The following C12orf54 variants were observed in gnomAD, a reference collection of about 807,000 sequenced individuals.
C12orf54 encodes uncharacterized protein C12orf54.
A neutral mutation model predicts 26.4 loss-of-function variants in C12orf54; 24 were observed. The ratio of observed to expected loss-of-function variants is 0.91; its 90% CI spans 0.66 to 1.28. C12orf54 has a LOEUF of 1.28. C12orf54 is among the 50% of genes most tolerant of loss of function. The probability of loss-of-function intolerance (pLI) is 0.00; values close to 1 mark genes in which losing one functional copy is unlikely to be tolerated. For missense variants in C12orf54, 154 were observed against 150.9 expected (o/e 1.02, Z -0.11); for synonymous variants, 54 against 47.0 (o/e 1.15, Z -0.61).
At chr12:48,462,713 A>G in the C12orf54 span, among the ~76,000 whole-genome samples, 1 of 151,784 alleles carries the variant, frequency 6.6e-6, no homozygotes, top group African/African-American at 2.4e-5. Context: ...CAAAGTGGGA[A>G]TATAGGGAAA....
Position 48,492,993 on chromosome 12 carries a change from T to G in C12orf54, c.240T>G (p.Thr80=). 6.2e-7 allele frequency: 1 copy of G among 1,613,788 alleles called. No homozygotes were observed. Among genetic ancestry groups the G allele is most frequent in the East Asian group, 2.2e-5 (1 of 44,872 alleles). Residue 80 remains threonine, a splice_region_variant and synonymous_variant, in exon 7 of 9, where the codon ACT becomes ACG. Coordinates refer to ENST00000548364, the MANE Select transcript of C12orf54 (RefSeq NM_152319.4). ...CACCCATGACATCAGCACCCAGGAC[T>G]GGGTAAGTGTCCCTATTCTGACAAT... ...SMTPMTSAPR[T]GSIRPPDSLM... is the part of the protein sequence containing the mutation.
chr12:48,435,114 G>A, the C12orf54 span, among the ~76,000 whole-genome samples: 2,646 of 152,230 alleles, frequency 0.017, 83 homozygotes, highest in African/African-American at 0.06. Context: ...CCTGACAAAT[G>A]CACAAGCCTC....
At chr12:48,495,332 A>G (rs1030505037) in intron 8 of C12orf54, among the ~76,000 whole-genome samples, 9 of 152,218 alleles carry the variant, frequency 5.9e-5, no homozygotes, top group Admixed American at 1.3e-4. Context: ...GTTTTAAAAT[A>G]CATTAATAAA....
At chr12:48,478,765 A>G (rs112322509), upstream of C12orf54, among the ~76,000 whole-genome samples, 9,764 of 152,284 alleles carry the variant, frequency 0.064, 1,051 homozygotes, top group African/African-American at 0.22. Flanking sequence ...ACATGAAAAA[A>G]TGCTCACCAT....
chr12:48,430,968 T>C, the C12orf54 span, among the ~76,000 whole-genome samples: 2,647 of 152,290 alleles, frequency 0.017, 82 homozygotes, highest in African/African-American at 0.06. Context: ...TACTCAGCCA[T>C]AAAAATGAAT....
At chr12:48,415,024 C>G in the C12orf54 span, among the ~76,000 whole-genome samples, 1 of 152,292 alleles carries the variant, frequency 6.6e-6, no homozygotes, top group South Asian at 2.1e-4. Context: ...ATACATGAGC[C>G]CCATTCAGCA....
chr12:48,420,211 G>A, the C12orf54 span, among the ~76,000 whole-genome samples: 1 of 152,166 alleles, frequency 6.6e-6, no homozygotes, highest in Non-Finnish European at 1.5e-5. Flanking sequence ...GGGCAGCTGA[G>A]CCTGCAAGCC....
the C12orf54 span, among the ~76,000 whole-genome samples, chr12:48,422,190 G>T: frequency 6.6e-6 from 1 of 152,022 alleles, no homozygotes; most frequent in African/African-American, 2.4e-5. Flanking sequence ...GAATAGCTTT[G>T]CTTCTGTTGA....
chr12:48,459,294 C>T, the C12orf54 span, among the ~76,000 whole-genome samples: 57 of 152,242 alleles, frequency 3.7e-4, no homozygotes, highest in Non-Finnish European at 7.4e-4. Context: ...TCTGAGCACA[C>T]GGTGAGACGG....
chr12:48,437,178 A>C, the C12orf54 span, among the ~76,000 whole-genome samples: 1 of 152,248 alleles, frequency 6.6e-6, no homozygotes, highest in African/African-American at 2.4e-5. Context: ...CTGGACACAT[A>C]CATCCTCCCA....
At chr12:48,483,407 C>A in intron 2 of C12orf54, 46 bp downstream of exon 2, 1 of 1,573,356 alleles carries the variant, frequency 6.4e-7, no homozygotes, top group Non-Finnish European at 8.7e-7. Context: ...GATTGCTATA[C>A]TCTATGGGAG....
rs1954223513 is a variant in C12orf54, at chr12:48,483,573, C to T, written c.65+212C>T. ...TTGTCATTTTAATTTAGAAATCAGGCATCAATTGCAATTCCTCTAGGGGTT... is the reference window on the plus strand; with the variant it reads ...TTGTCATTTTAATTTAGAAATCAGGTATCAATTGCAATTCCTCTAGGGGTT... On this transcript the variant is annotated intron_variant, in intron 2 of 8. Transcript: ENST00000548364. 19 of 515,146 alleles carry T rather than the reference C, an allele frequency of 3.7e-5. No homozygotes were observed. The South Asian group carries it at 4.7e-4, about 13-fold the overall frequency. 31.9% of individuals were successfully genotyped at this position (515,146 alleles called of 1,614,324 possible). A position where few individuals can be genotyped will look rare whatever the true frequency, so the allele number is the denominator to read the frequency against.
the C12orf54 span, among the ~76,000 whole-genome samples, chr12:48,474,487 C>T: frequency 6.6e-6 from 1 of 152,216 alleles, no homozygotes; most frequent in Non-Finnish European, 1.5e-5. Context: ...AATTCCCTTT[C>T]CTAGTCCAAG....
At chr12:48,420,409 T>C in the C12orf54 span, among the ~76,000 whole-genome samples, 1 of 152,234 alleles carries the variant, frequency 6.6e-6, no homozygotes, top group African/African-American at 2.4e-5. Context: ...CACCCTTTTT[T>C]TAGAGCATTT....
chr12:48,441,455 C>T, the C12orf54 span, among the ~76,000 whole-genome samples: 8 of 151,512 alleles, frequency 5.3e-5, no homozygotes, highest in East Asian at 1.9e-4. Flanking sequence ...CAAAAGAGGC[C>T]GTCTTAAAAG....
Position 48,486,072 on chromosome 12 carries a change from T to C in C12orf54, c.66-106T>C, listed in dbSNP as rs184285188. ...GGCTACCCTTCCTGGATTTTTAGTA[T>C]AGAAACTTCAAGAATTCCTGCTAGG... is the stretch of plus-strand genomic sequence containing the variant. On this transcript the variant is annotated intron_variant, in intron 2 of 8. Coordinates refer to ENST00000548364, the MANE Select transcript of C12orf54 (RefSeq NM_152319.4). 1,471 of 1,153,350 alleles carry C rather than the reference T, an allele frequency of 1.3e-3. 4 individuals carry two copies. Among genetic ancestry groups the C allele is most frequent in the Non-Finnish European group, 1.4e-3 (1,106 of 779,964 alleles). 71.4% of individuals were successfully genotyped at this position (1,153,350 alleles called of 1,614,324 possible).
chr12:48,436,795 A>C, the C12orf54 span, among the ~76,000 whole-genome samples: 1 of 152,248 alleles, frequency 6.6e-6, no homozygotes, highest in African/African-American at 2.4e-5. Flanking sequence ...TGCCCACAAG[A>C]GAAAGCAGGA....
At chr12:48,432,456 T>A in the C12orf54 span, among the ~76,000 whole-genome samples, 2 of 152,184 alleles carry the variant, frequency 1.3e-5, no homozygotes, top group African/African-American at 4.8e-5. Context: ...AAGATATTCA[T>A]CAAAAATAGA....
the C12orf54 span, among the ~76,000 whole-genome samples, chr12:48,452,289 T>G: frequency 6.6e-6 from 1 of 152,116 alleles, no homozygotes; most frequent in East Asian, 1.9e-4. Flanking sequence ...CATACGCAGA[T>G]AGTTGAAACT....
Sources: allele counts gnomAD v4.1 joint callset (sites outside exome capture counted in the v4.1 genomes callset), GRCh38; gene constraint gnomAD v4.1.1; transcripts MANE v1.5; gene names NCBI Gene and HGNC (gene_info 2026-07-23, HGNC 2026-07-21).